The following FAF1 variants were observed in gnomAD, a reference collection of about 807,000 sequenced individuals.
FAF1 encodes the protein Fas associated factor 1.
A neutral mutation model predicts 92.5 loss-of-function variants in FAF1; 25 were observed. The ratio of observed to expected loss-of-function variants is 0.27; its 90% CI spans 0.20 to 0.38. The LOEUF (loss-of-function observed/expected upper bound fraction) is 0.38. FAF1 is among the 10% of genes least tolerant of loss of function. The pLI is 1.00. For synonymous variants in FAF1, 234 were observed against 273.2 expected, an observed-to-expected ratio of 0.86 and a Z score of 1.42; for missense variants, 636 against 793.3, an observed-to-expected ratio of 0.80 and a Z score of 2.38.
intron 1 of FAF1, among the ~76,000 whole-genome samples, chr1:50,883,467 T>G (rs1354573410): frequency 6.6e-6 from 1 of 152,196 alleles, no homozygotes; most frequent in Non-Finnish European, 1.5e-5. Flanking sequence ...GTATCACTCA[T>G]GAAGCAAAGT....
At chr1:50,624,673 T>A (rs1653407795) in intron 8 of FAF1, among the ~76,000 whole-genome samples, 1 of 152,152 alleles carries the variant, frequency 6.6e-6, no homozygotes, top group Non-Finnish European at 1.5e-5. Flanking sequence ...ATTTTATTTC[T>A]CCAACATTTT....
At chr1:50,725,738 G>T (rs1470147090) in intron 6 of FAF1, among the ~76,000 whole-genome samples, 1 of 152,104 alleles carries the variant, frequency 6.6e-6, no homozygotes, top group Non-Finnish European at 1.5e-5. Flanking sequence ...TTATAGGCGT[G>T]AGCCACCACA....
At chr1:50,954,419 A>G (rs1175902223) in intron 1 of FAF1, among the ~76,000 whole-genome samples, 2 of 152,136 alleles carry the variant, frequency 1.3e-5, no homozygotes, top group Non-Finnish European at 2.9e-5. Flanking sequence ...GCTCATGCCT[A>G]TAATCTCAGC....
At chr1:50,931,229 CTTTTA>C (rs983101004) in intron 1 of FAF1, among the ~76,000 whole-genome samples, 7 of 152,006 alleles carry the variant, frequency 4.6e-5, no homozygotes, top group African/African-American at 9.7e-5. Context: ...TATCTTGGTT[CTTTTA>C]TTTTGTTTTC....
chr1:50,890,535 G>C (rs2124699709), intron 1 of FAF1, among the ~76,000 whole-genome samples: 1 of 152,210 alleles, frequency 6.6e-6, no homozygotes, highest in South Asian at 2.1e-4. Context: ...CTTCCTTCAG[G>C]AGCTCTTGTA....
intron 6 of FAF1, among the ~76,000 whole-genome samples, chr1:50,715,878 C>G (rs923894176): frequency 1.3e-5 from 2 of 152,136 alleles, no homozygotes; most frequent in Non-Finnish European, 2.9e-5. Context: ...ATTTGAAGCT[C>G]TAGCACAGGT....
intron 4 of FAF1, among the ~76,000 whole-genome samples, chr1:50,764,864 G>A (rs1351347515): frequency 1.3e-5 from 2 of 152,158 alleles, no homozygotes; most frequent in African/African-American, 2.4e-5. Flanking sequence ...ATTTACAAGA[G>A]CTTATTCCTC....
In FAF1 at chr1:50,440,722, G is replaced by A. The variant is rs1646158617; in HGVS notation, c.*718C>T. Reference sequence around the variant, plus strand: ...GGCCAGATACTGAAGTTTTGGTACTGGCCTCTCTGCACATGATCTCAACAT... The same window carrying A: ...GGCCAGATACTGAAGTTTTGGTACTAGCCTCTCTGCACATGATCTCAACAT... On this transcript the variant is annotated 3_prime_UTR_variant, in exon 19 of 19. Transcript: ENST00000396153. The A allele has an allele frequency of 6.6e-6, 1 of 152,226 alleles. No homozygotes were observed. The highest frequency in any genetic ancestry group is 1.5e-5 in the Non-Finnish European group (1 of 68,048). 9.4% of individuals were successfully genotyped at this position (152,226 alleles called of 1,614,324 possible). A position where few individuals can be genotyped will look rare whatever the true frequency, so the allele number is the denominator to read the frequency against.
chr1:50,562,155 G>A (rs886350491), intron 13 of FAF1, among the ~76,000 whole-genome samples: 1 of 152,158 alleles, frequency 6.6e-6, no homozygotes, highest in African/African-American at 2.4e-5. Context: ...CATTCATTAA[G>A]AATACATTGT....
chr1:50,908,732 T>C (rs1644860126), intron 1 of FAF1, among the ~76,000 whole-genome samples: 1 of 152,160 alleles, frequency 6.6e-6, no homozygotes, highest in South Asian at 2.1e-4. Flanking sequence ...GCCTTCTAAA[T>C]ATCCCTCCGT....
At chr1:50,702,517 A>G (rs1400604011) in intron 7 of FAF1, among the ~76,000 whole-genome samples, 1 of 152,120 alleles carries the variant, frequency 6.6e-6, no homozygotes, top group African/African-American at 2.4e-5. Context: ...GGAAAACAGA[A>G]AAGATTTTTC....
At chr1:50,686,341 G>A (rs1266237018) in intron 7 of FAF1, among the ~76,000 whole-genome samples, 4 of 152,012 alleles carry the variant, frequency 2.6e-5, no homozygotes, top group Admixed American at 6.6e-5. Flanking sequence ...CCAGGAGATC[G>A]AGACCAGCCT....
At chr1:50,543,358 G>C (rs1648847679) in intron 13 of FAF1, among the ~76,000 whole-genome samples, 1 of 152,026 alleles carries the variant, frequency 6.6e-6, no homozygotes, top group Non-Finnish European at 1.5e-5. Context: ...TGCTGTAAAA[G>C]GAAGAATATT....
intron 4 of FAF1, among the ~76,000 whole-genome samples, chr1:50,761,260 T>C (rs12061923): frequency 0.023 from 3,466 of 152,170 alleles, 134 homozygotes; most frequent in African/African-American, 0.08. Flanking sequence ...ACCAGAGGTA[T>C]AAGGAGGAAC....
At chr1:50,623,400 T>C (rs61350490) in intron 8 of FAF1, among the ~76,000 whole-genome samples, 4,716 of 151,606 alleles carry the variant, frequency 0.031, 244 homozygotes, top group African/African-American at 0.11. Context: ...AAACCCTGTC[T>C]CTACTAAAAT....
At chr1:50,593,182 T>C (rs1200153378) in intron 9 of FAF1, among the ~76,000 whole-genome samples, 1 of 152,118 alleles carries the variant, frequency 6.6e-6, no homozygotes, top group Non-Finnish European at 1.5e-5. Context: ...GTTGTGAATG[T>C]TTTAGTTTGG....
chr1:50,781,666 A>T (rs1342518398), intron 4 of FAF1, among the ~76,000 whole-genome samples: 1 of 152,204 alleles, frequency 6.6e-6, no homozygotes. Flanking sequence ...GATCTAACAG[A>T]CATATACTGA....
At chr1:50,682,076 C>A (rs1015611382) in intron 7 of FAF1, among the ~76,000 whole-genome samples, 1 of 151,818 alleles carries the variant, frequency 6.6e-6, no homozygotes, top group Non-Finnish European at 1.5e-5. Flanking sequence ...CTCAAGCAAT[C>A]CACCCACTTT....
chr1:50,867,045 C>A (rs918040644), intron 1 of FAF1, among the ~76,000 whole-genome samples: 1 of 151,994 alleles, frequency 6.6e-6, no homozygotes. Context: ...TACTTATAGC[C>A]AACCAATCTT....
Sources: allele counts gnomAD v4.1 joint callset (sites outside exome capture counted in the v4.1 genomes callset), GRCh38; gene constraint gnomAD v4.1.1; transcripts MANE v1.5; gene names NCBI Gene and HGNC (gene_info 2026-07-23, HGNC 2026-07-21).